Variants in CNTN5 observed in about 807,000 individuals in gnomAD.
CNTN5 encodes the protein contactin-5.
A neutral mutation model predicts 129.1 loss-of-function variants in CNTN5; 77 were observed. That is an observed-to-expected ratio of 0.60 (90% CI 0.50 to 0.72). The LOEUF (loss-of-function observed/expected upper bound fraction) is 0.72. Ranked by LOEUF, CNTN5 falls within the 30% of genes least tolerant of loss-of-function variation. The pLI is 0.00. For synonymous variants in CNTN5, 509 were observed against 465.6 expected (o/e 1.09, Z -1.20); for missense variants, 1,478 against 1,328.8 (o/e 1.11, Z -1.75).
In CNTN5 at chr11:99,578,806, T is replaced by C. The variant is rs1390687578; in HGVS notation, c.55+22537T>C. On this transcript the variant is annotated intron_variant, in intron 3 of 24. Coordinates refer to ENST00000524871, the MANE Select transcript of CNTN5 (RefSeq NM_014361.4). ...CCTGTTCATTCTGATAGTGGTTTCT[T>C]TTGCTGTGCAGAAGCTCTTTAGTTT... 2.0e-5 allele frequency among the ~76,000 whole-genome samples: 3 copies of C among 152,328 alleles called. No individual in the cohort carries two copies. The East Asian group carries it at 5.8e-4, about 29-fold the overall frequency.
At chr11:99,458,332 A>C (rs1256482426) in intron 2 of CNTN5, among the ~76,000 whole-genome samples, 1 of 152,016 alleles carries the variant, frequency 6.6e-6, no homozygotes, top group Non-Finnish European at 1.5e-5. Flanking sequence ...TCAGTGTTAC[A>C]TGTTAAAATT....
chr11:100,310,700 AAG>A (rs201569050), intron 21 of CNTN5, among the ~76,000 whole-genome samples: 5 of 108,416 alleles, frequency 4.6e-5, no homozygotes, highest in African/African-American at 1.5e-4. Context: ...CAAGAAGGTA[AAG>A]AGAGAGAGTC....
chr11:99,233,271 A>G (rs1162641217), intron 1 of CNTN5, among the ~76,000 whole-genome samples: 1 of 152,240 alleles, frequency 6.6e-6, no homozygotes, highest in Non-Finnish European at 1.5e-5. Flanking sequence ...CAGTGATTTC[A>G]TATAAAGTTG....
At chr11:99,930,319 T>C (rs1408331489) in intron 7 of CNTN5, among the ~76,000 whole-genome samples, 1 of 152,188 alleles carries the variant, frequency 6.6e-6, no homozygotes, top group Non-Finnish European at 1.5e-5. Context: ...CCTGAACATG[T>C]CCCAAGAGGA....
intron 2 of CNTN5, among the ~76,000 whole-genome samples, chr11:99,489,862 G>C (rs1216548573): frequency 6.6e-6 from 1 of 152,080 alleles, no homozygotes; most frequent in Non-Finnish European, 1.5e-5. Flanking sequence ...CAGACAGAGA[G>C]AGACAAAGAG....
At chr11:99,525,003 C>A (rs1166439345) in intron 2 of CNTN5, among the ~76,000 whole-genome samples, 1 of 151,992 alleles carries the variant, frequency 6.6e-6, no homozygotes, top group Non-Finnish European at 1.5e-5. Context: ...TTAATTAAAT[C>A]ATTTAAAGTA....
At chr11:100,258,283 C>A (rs1950120125) in intron 17 of CNTN5, among the ~76,000 whole-genome samples, 1 of 152,046 alleles carries the variant, frequency 6.6e-6, no homozygotes, top group East Asian at 1.9e-4. Context: ...AAATATGGCA[C>A]TATGTGAAAA....
chr11:99,427,791 A>G (rs1373990301), intron 2 of CNTN5, among the ~76,000 whole-genome samples: 1 of 150,690 alleles, frequency 6.6e-6, no homozygotes, highest in Non-Finnish European at 1.5e-5. Context: ...AAAAAAAAAA[A>G]AGTTAAAATT....
chr11:99,102,335 C>T (rs1866775093), intron 1 of CNTN5, among the ~76,000 whole-genome samples: 1 of 152,160 alleles, frequency 6.6e-6, no homozygotes, highest in South Asian at 2.1e-4. Flanking sequence ...ACATTTGGCA[C>T]CTCATTACTT....
chr11:100,275,404 T>C (rs1950488556), intron 18 of CNTN5, among the ~76,000 whole-genome samples: 1 of 152,236 alleles, frequency 6.6e-6, no homozygotes, highest in South Asian at 2.1e-4. Flanking sequence ...TCACATATTT[T>C]CTAAAAAGCG....
intron 1 of CNTN5, among the ~76,000 whole-genome samples, chr11:99,193,709 G>A (rs1383906694): frequency 6.6e-6 from 1 of 152,096 alleles, no homozygotes; most frequent in Non-Finnish European, 1.5e-5. Flanking sequence ...CAACCCATGG[G>A]CAACCCAGGA....
intron 16 of CNTN5, among the ~76,000 whole-genome samples, chr11:100,253,246 A>G (rs1179738892): frequency 6.6e-6 from 1 of 152,164 alleles, no homozygotes; most frequent in Non-Finnish European, 1.5e-5. Context: ...GCTTCCTTCC[A>G]CAAATTAGGA....
intron 3 of CNTN5, among the ~76,000 whole-genome samples, chr11:99,761,391 T>C (rs1262565205): frequency 1.3e-5 from 2 of 152,184 alleles, no homozygotes; most frequent in Non-Finnish European, 2.9e-5. Context: ...GCATTAGGTA[T>C]ATCTCCCAAT....
chr11:99,042,402 T>C (rs1156292149), intron 1 of CNTN5, among the ~76,000 whole-genome samples: 1 of 125,178 alleles, frequency 8.0e-6, no homozygotes, highest in Non-Finnish European at 1.6e-5. Flanking sequence ...TGAGACAGAG[T>C]CTCTCTCTGT....
intron 3 of CNTN5, among the ~76,000 whole-genome samples, chr11:99,769,166 C>G (rs1349965506): frequency 1.3e-5 from 2 of 152,146 alleles, no homozygotes; most frequent in African/African-American, 4.8e-5. Context: ...TTGAAAACCA[C>G]TTCAAACTGG....
rs760058395 is a variant in CNTN5, at chr11:100,070,427, A to T, written c.1166A>T (p.Tyr389Phe). 15 of 1,611,734 alleles carry T rather than the reference A, an allele frequency of 9.3e-6. No homozygotes were observed. The South Asian group carries it at 1.3e-4, about 14-fold the overall frequency. ...TTTACTGCTTACATACTTACAGCCT[A>T]CCCACACTGGGTAGAAAAACTGAAT... ...SFRGQLQVYTYPHWVEKLNDT... is the reference protein window; with the variant it reads ...SFRGQLQVYTFPHWVEKLNDT... Residue 389 changes from tyrosine (Y) to phenylalanine (F), a missense_variant, in exon 11 of 25, where the codon TAC (tyrosine) becomes TTC (phenylalanine). Physicochemically the swap from Tyr to Phe is conservative, Grantham distance 22 (BLOSUM62 3). Transcript: ENST00000524871.
At chr11:99,216,964 C>T (rs1297564035) in intron 1 of CNTN5, among the ~76,000 whole-genome samples, 1 of 152,092 alleles carries the variant, frequency 6.6e-6, no homozygotes, top group Admixed American at 6.5e-5. Flanking sequence ...GCAGGCAAAT[C>T]GTGAGGTCAA....
intron 8 of CNTN5, among the ~76,000 whole-genome samples, chr11:99,971,166 A>T (rs1951240147): frequency 6.6e-6 from 1 of 152,194 alleles, no homozygotes; most frequent in Non-Finnish European, 1.5e-5. Flanking sequence ...AATCGTATTT[A>T]CCAGCTTGAC....
Position 99,793,429 on chromosome 11 carries a change from A to G in CNTN5, c.56-26115A>G, listed in dbSNP as rs73552080. Reference sequence around the variant, plus strand: ...TCTTCTGTATGGTTTTTCACATCTCAGTGTCCTTCATTTCAGCTCTGATTT... The same window carrying G: ...TCTTCTGTATGGTTTTTCACATCTCGGTGTCCTTCATTTCAGCTCTGATTT... On this transcript the variant is annotated intron_variant, in intron 3 of 24. Coordinates refer to ENST00000524871, the MANE Select transcript of CNTN5 (RefSeq NM_014361.4). 4.3e-3 allele frequency among the ~76,000 whole-genome samples: 649 copies of G among 152,076 alleles called. 5 individuals carry two copies. Among genetic ancestry groups the G allele is most frequent in the African/African-American group, 0.015 (632 of 41,488 alleles).
Sources: gnomAD v4.1 joint callset for allele counts (sites outside exome capture counted in the v4.1 genomes callset) on GRCh38, gnomAD v4.1.1 for gene constraint, MANE v1.5 for transcripts, NCBI Gene and HGNC (gene_info 2026-07-23, HGNC 2026-07-21) for gene names.